The following DDX11 variants were observed in gnomAD, a reference collection of about 807,000 sequenced individuals.
DDX11 encodes DEAD/H-box helicase 11, also known as ATP-dependent DNA helicase DDX11.
DDX11 carries 72 observed loss-of-function variants against 125.2 expected under a neutral mutation model. That is an observed-to-expected ratio of 0.58 (90% CI 0.48 to 0.70). DDX11 has a LOEUF of 0.70. DDX11 is among the 30% of genes least tolerant of loss of function. The probability of loss-of-function intolerance (pLI) is 0.00; values close to 1 mark genes in which losing one functional copy is unlikely to be tolerated. For missense variants in DDX11, 883 were observed against 1,165.0 expected (o/e 0.76, Z 3.52); for synonymous variants, 347 against 452.6 (o/e 0.77, Z 2.96).
chr12:31,075,368 C>G (rs1464631917), intron 1 of DDX11, among the ~76,000 whole-genome samples: 1 of 151,978 alleles, frequency 6.6e-6, no homozygotes, highest in African/African-American at 2.4e-5. Context: ...CTTTTTTATC[C>G]CACTTATCCT....
intron 12 of DDX11, among the ~76,000 whole-genome samples, chr12:31,094,017 G>T (rs1324130423): frequency 6.6e-6 from 1 of 151,506 alleles, no homozygotes; most frequent in Non-Finnish European, 1.5e-5. Flanking sequence ...AATCCTTGTT[G>T]ATAGACGCAT....
chr12:31,096,977 C>A lies in DDX11; in HGVS notation c.1749C>A (p.Ile583=). The A allele has an allele frequency of 6.2e-7, 1 of 1,613,662 alleles. No homozygotes were observed. Among genetic ancestry groups the A allele is most frequent in the East Asian group, 2.2e-5 (1 of 44,860 alleles). Residue 583 remains isoleucine (I), a synonymous_variant, in exon 17 of 27, where the codon ATC becomes ATA. Transcript: ENST00000542838. ...LTTANQDGRV[I]LSRQGSLSQS... ...CGGCCAACCAGGACGGCAGGGTCATCCTGAGCCGCCAAGGTAATCAGGTGG... is the reference window on the plus strand; with the variant it reads ...CGGCCAACCAGGACGGCAGGGTCATACTGAGCCGCCAAGGTAATCAGGTGG...
chr12:31,087,712 GC>G (rs1592662883), intron 5 of DDX11: 4 of 711,266 alleles, frequency 5.6e-6, no homozygotes, highest in Non-Finnish European at 9.7e-6. Context: ...GGGGTGCTGA[GC>G]CCCTTTCTCC....
intron 18 of DDX11, among the ~76,000 whole-genome samples, chr12:31,098,739 A>AG (rs1945777789): frequency 6.6e-6 from 1 of 152,188 alleles, no homozygotes; most frequent in Non-Finnish European, 1.5e-5. Context: ...TTGTATGGAT[A>AG]GATTCATAGT....
In DDX11 at chr12:31,103,884, C is replaced by T. The variant is rs1340581870; in HGVS notation, c.*48C>T. On this transcript the variant is annotated 3_prime_UTR_variant, in exon 27 of 27. Coordinates refer to ENST00000542838, the MANE Select transcript of DDX11 (RefSeq NM_030653.4). ...GCGCCGTGCCCTTCCTTTGTCCTGC[C>T]CGCTGGAGACAGTGTTTGTCGTGGG... 1.2e-6 allele frequency: 2 copies of T among 1,613,864 alleles called. No homozygotes were observed. Among genetic ancestry groups the T allele is most frequent in the African/African-American group, 2.7e-5 (2 of 74,936 alleles).
At chr12:31,101,196 G>A (rs1276800185) in intron 20 of DDX11, 66 bp downstream of exon 20, 11 of 1,394,524 alleles carry the variant, frequency 7.9e-6, no homozygotes, top group South Asian at 2.3e-5. Flanking sequence ...TCTGGGGCAG[G>A]GGCGCTCTGG....
chr12:31,092,752 G>A lies in DDX11; in HGVS notation c.1243-94G>A, dbSNP rs189570926. 124 of 1,358,074 alleles carry A rather than the reference G, an allele frequency of 9.1e-5. No homozygotes were observed. The East Asian group carries it at 2.9e-3, about 31-fold the overall frequency. The allele number at this position is 1,358,074 out of a possible 1,614,324, so 84.1% of individuals were successfully genotyped here. On this transcript the variant is annotated intron_variant, in intron 10 of 26. Transcript: ENST00000542838. ...TCTCCTCCCTTTGGTGGCTTCCTGT[G>A]TGTCCAGGGCCAGCATCTTCTAGGT...
chr12:31,091,136 C>G (rs973728448), intron 9 of DDX11: 1 of 152,122 alleles, frequency 6.6e-6, no homozygotes, highest in Non-Finnish European at 1.5e-5. Flanking sequence ...ATTCAGTTTT[C>G]CGATATTTTA....
chr12:31,101,332 T>G (rs1294576844), intron 20 of DDX11: 1 of 612,802 alleles, frequency 1.6e-6, no homozygotes. Context: ...CCCTCACGCC[T>G]TAGGCTGCGA....
chr12:31,086,381 G>A (rs983339946), intron 5 of DDX11, among the ~76,000 whole-genome samples: 32 of 152,232 alleles, frequency 2.1e-4, no homozygotes, highest in Non-Finnish European at 3.8e-4. Context: ...GCATAGGGGT[G>A]TGCTCAATAA....
intron 1 of DDX11, chr12:31,077,955 C>T (rs1358364610): frequency 7.5e-5 from 25 of 334,572 alleles, no homozygotes; most frequent in South Asian, 1.2e-4. Flanking sequence ...GACTTCACAA[C>T]GGGATAAAGT....
chr12:31,099,000 TTGTC>T (rs1042211699), intron 18 of DDX11, among the ~76,000 whole-genome samples: 1 of 152,012 alleles, frequency 6.6e-6, no homozygotes, highest in African/African-American at 2.4e-5. Flanking sequence ...GCTAGGGTGT[TTGTC>T]GTGCTCCTGG....
chr12:31,089,230 G>A (rs766513920), intron 7 of DDX11, 79 bp downstream of exon 7: 23 of 1,418,934 alleles, frequency 1.6e-5, no homozygotes, highest in Non-Finnish European at 1.9e-5. Context: ...CCAGGCCTTG[G>A]GAGACGCTGG....
At chr12:31,080,926 G>A (rs1373696868) in intron 2 of DDX11, among the ~76,000 whole-genome samples, 1 of 152,122 alleles carries the variant, frequency 6.6e-6, no homozygotes, top group Non-Finnish European at 1.5e-5. Context: ...TTAATTTGTA[G>A]AAATGAGATC....
At chr12:31,079,807 T>A (rs1941511445) in intron 2 of DDX11, among the ~76,000 whole-genome samples, 7 of 152,176 alleles carry the variant, frequency 4.6e-5, no homozygotes, top group Admixed American at 4.6e-4. Context: ...TTCTTTTGTT[T>A]TGTTTTTGTT....
At chr12:31,088,961 A>C in intron 6 of DDX11, 83 bp from the exon 7 acceptor site, 1 of 1,116,988 alleles carries the variant, frequency 9.0e-7, no homozygotes, top group Non-Finnish European at 1.4e-6. Flanking sequence ...TCAGCCTCTC[A>C]GGCCCTGGCG....
At chr12:31,102,206 G>A (rs1267924549) in intron 21 of DDX11, 37 bp from the exon 22 acceptor site, 3 of 1,607,814 alleles carry the variant, frequency 1.9e-6, no homozygotes, top group Admixed American at 1.7e-5. Context: ...CTGGCACCCT[G>A]AACCTGTCTC....
intron 10 of DDX11, among the ~76,000 whole-genome samples, chr12:31,092,640 G>A (rs1033998307): frequency 5.3e-5 from 8 of 152,174 alleles, no homozygotes; most frequent in Non-Finnish European, 7.4e-5. Context: ...GACACTGGAG[G>A]AAAACTTCCC....
intron 5 of DDX11, 168 bp from the exon 6 acceptor site, chr12:31,087,770 G>A (rs1943414925): frequency 5.0e-6 from 6 of 1,201,376 alleles, no homozygotes; most frequent in Non-Finnish European, 3.6e-6. Context: ...TGGGAGGTTG[G>A]GGTTGGCATT....
Sources: allele counts gnomAD v4.1 joint callset (sites outside exome capture counted in the v4.1 genomes callset), GRCh38; gene constraint gnomAD v4.1.1; transcripts MANE v1.5; gene names NCBI Gene and HGNC (gene_info 2026-07-23, HGNC 2026-07-21).